The following RAB3GAP1 variants were observed in gnomAD, a reference collection of about 807,000 sequenced individuals.
RAB3GAP1 encodes the protein RAB3 GTPase activating protein catalytic subunit 1.
In RAB3GAP1, 86 loss-of-function variants were observed where a neutral mutation model predicts 130.7. That is an observed-to-expected ratio of 0.66 (90% CI 0.55 to 0.79). The LOEUF is 0.79. Among genes scored for constraint, RAB3GAP1 ranks in the 30% least tolerant of loss-of-function variants. The probability of loss-of-function intolerance (pLI) is 0.00; values close to 1 mark genes in which losing one functional copy is unlikely to be tolerated. For missense variants in RAB3GAP1, 1,029 were observed against 1,169.4 expected, an observed-to-expected ratio of 0.88 and a Z score of 1.75; for synonymous variants, 367 against 401.7, an observed-to-expected ratio of 0.91 and a Z score of 1.03.
chr2:135,099,896 C>T (rs950192330), intron 5 of RAB3GAP1, among the ~76,000 whole-genome samples: 1 of 151,948 alleles, frequency 6.6e-6, no homozygotes, highest in Non-Finnish European at 1.5e-5. Flanking sequence ...GAAGCTTGTG[C>T]GTTTAGGTTA....
intron 17 of RAB3GAP1, among the ~76,000 whole-genome samples, chr2:135,136,394 G>T (rs1156786906): frequency 6.6e-6 from 1 of 152,144 alleles, no homozygotes; most frequent in Non-Finnish European, 1.5e-5. Context: ...TAAAGGTAAG[G>T]ATTTCCCAAT....
Position 135,153,861 on chromosome 2 carries a change from A to C in RAB3GAP1, c.2274A>C (p.Thr758=), listed in dbSNP as rs1692240695. The C allele has an allele frequency of 2.5e-6, 4 of 1,613,716 alleles. No homozygotes were observed. The highest frequency in any genetic ancestry group is 3.4e-6 in the Non-Finnish European group (4 of 1,179,672). ...GGCAAAGGAGACTCTTTGATGATAC[A>C]CGGGAAGCAGAAAAGGTAATTGAGG... The part of the protein sequence containing the change: ...ARRQRRLFDD[T]REAEKVLHYL... The change falls in exon 19 of 24, where the codon ACA becomes ACC. Residue 758 remains threonine, a synonymous_variant. Transcript: ENST00000264158.
rs771415688 is a variant in RAB3GAP1, at chr2:135,052,317, G to C, written c.10G>C (p.Asp4His). MAA[D>H]SEPESEVFEI... Reference sequence around the variant, plus strand: ...CCCGGCGCTCCTCAAGATGGCTGCCGACAGTGAGGTGATTTCTTTGCTCCC... The same window carrying C: ...CCCGGCGCTCCTCAAGATGGCTGCCCACAGTGAGGTGATTTCTTTGCTCCC... Residue 4 changes from aspartate (D) to histidine (H), a missense_variant, in exon 1 of 24, where the codon GAC (aspartate) becomes CAC (histidine). Physicochemically the swap from Asp to His is moderately conservative, Grantham distance 81. Coordinates refer to ENST00000264158, the MANE Select transcript of RAB3GAP1 (RefSeq NM_012233.3). The C allele has an allele frequency of 4.3e-6, 7 of 1,613,848 alleles. No individual in the cohort carries two copies. The highest frequency in any genetic ancestry group is 5.1e-6 in the Non-Finnish European group (6 of 1,180,026).
At position 135,164,790 on chromosome 2, in the gene RAB3GAP1, C is replaced by T. The variant is rs542440924; in HGVS notation, c.2709+94C>T. On this transcript the variant is annotated intron_variant, in intron 23 of 23. Coordinates refer to ENST00000264158, the MANE Select transcript of RAB3GAP1 (RefSeq NM_012233.3). ...GTTCCCACACGTGGCTGATCACACTCATGTCACCTGAGTGTAAGTCTGGGC... is the reference window on the plus strand; with the variant it reads ...GTTCCCACACGTGGCTGATCACACTTATGTCACCTGAGTGTAAGTCTGGGC... The T allele has an allele frequency of 1.3e-4, 126 of 936,414 alleles. No homozygotes were observed. The African/African-American group carries it at 1.9e-3, about 14-fold the overall frequency. 58.0% of individuals were successfully genotyped at this position (936,414 alleles called of 1,614,324 possible).
intron 23 of RAB3GAP1, among the ~76,000 whole-genome samples, chr2:135,166,886 A>G (rs887027568): frequency 1.1e-4 from 17 of 152,192 alleles, no homozygotes; most frequent in African/African-American, 4.8e-5. Flanking sequence ...CTTAATGGCT[A>G]CTGAAATTGT....
intron 11 of RAB3GAP1, among the ~76,000 whole-genome samples, chr2:135,127,508 A>C (rs1691389326): frequency 6.6e-6 from 1 of 150,484 alleles, no homozygotes; most frequent in Admixed American, 6.6e-5. Flanking sequence ...CACGCCCTTT[A>C]ATTTTTTGTG....
intron 5 of RAB3GAP1, 33 bp downstream of exon 5, chr2:135,093,726 ATGTGTGTTGCGGGGGACC>A: frequency 6.6e-7 from 1 of 1,522,302 alleles, no homozygotes; most frequent in Middle Eastern, 1.7e-4. Flanking sequence ...ATCTTTTAGT[ATGTGTGTTGCGGGGGACC>A]TCAACACTGT....
rs1167642330 is a variant in RAB3GAP1 at position 135,052,410 on chromosome 2, T to C, written c.19-20T>C. 1 of 1,614,094 alleles carries C rather than the reference T, an allele frequency of 6.2e-7. No homozygotes were observed. The highest frequency in any genetic ancestry group is 8.5e-7 in the Non-Finnish European group (1 of 1,180,044). On this transcript the variant is annotated intron_variant, in intron 1 of 23. Coordinates refer to ENST00000264158, the MANE Select transcript of RAB3GAP1 (RefSeq NM_012233.3). ...CGCCTTGGGGCTTAATTTCTTTTTCTCTCCTTCCCCTTCCCGCAGCCCGAA... is the reference window on the plus strand; with the variant it reads ...CGCCTTGGGGCTTAATTTCTTTTTCCCTCCTTCCCCTTCCCGCAGCCCGAA...
intron 17 of RAB3GAP1, 149 bp from the exon 18 acceptor site, chr2:135,150,220 C>CA: frequency 1.1e-6 from 1 of 905,074 alleles, no homozygotes; most frequent in Non-Finnish European, 1.7e-6. Context: ...TATGTAAGTT[C>CA]TAAAAAACTT....
rs980783265 is a variant in RAB3GAP1, at chr2:135,153,505, T to A, written c.2062-144T>A. ...TTTGATACTTTAACATCTGACCTAT[T>A]TTAAAGGTGACATCCAAATTCATTT... On this transcript the variant is annotated intron_variant, in intron 18 of 23. Transcript: ENST00000264158. The A allele has an allele frequency of 6.8e-5, 50 of 738,678 alleles. 1 individual carries two copies. The highest frequency in any genetic ancestry group is 3.3e-4 in the Admixed American group (15 of 46,004). 45.8% of individuals were successfully genotyped at this position (738,678 alleles called of 1,614,324 possible).
chr2:135,070,647 A>G (rs1442786758), intron 3 of RAB3GAP1, among the ~76,000 whole-genome samples: 2 of 152,110 alleles, frequency 1.3e-5, no homozygotes, highest in African/African-American at 4.8e-5. Flanking sequence ...GTCTAGGATT[A>G]CAGGTGCCCA....
chr2:135,147,634 T>G (rs1420064501), intron 17 of RAB3GAP1, among the ~76,000 whole-genome samples: 1 of 147,584 alleles, frequency 6.8e-6, no homozygotes, highest in African/African-American at 2.5e-5. Flanking sequence ...CTTTTTTTTT[T>G]GACTCGGGGT....
At chr2:135,156,162 A>G (rs11901394) in intron 19 of RAB3GAP1, among the ~76,000 whole-genome samples, 1 of 152,184 alleles carries the variant, frequency 6.6e-6, no homozygotes, top group Non-Finnish European at 1.5e-5. Flanking sequence ...AACAGAAAGT[A>G]TAAACAGACA....
intron 7 of RAB3GAP1, among the ~76,000 whole-genome samples, chr2:135,117,522 GCTTCTTCTGCTTCTTCTTCTGCTTCTT>G (rs1574126234): frequency 6.7e-5 from 2 of 30,010 alleles, no homozygotes; most frequent in Non-Finnish European, 2.0e-4. Context: ...TGCTTCTTCT[GCTTCTTCTGCTTCTTCTTCTGCTTCTT>G]CTTCTTCTGC....
chr2:135,095,789 G>A (rs1690276468), intron 5 of RAB3GAP1, among the ~76,000 whole-genome samples: 1 of 152,304 alleles, frequency 6.6e-6, no homozygotes, highest in Middle Eastern at 3.4e-3. Context: ...CCTTTGTCCA[G>A]TGTATCTACA....
intron 5 of RAB3GAP1, among the ~76,000 whole-genome samples, chr2:135,104,205 T>C (rs997004069): frequency 1.3e-5 from 2 of 152,214 alleles, no homozygotes; most frequent in African/African-American, 4.8e-5. Flanking sequence ...GGCTGCACAC[T>C]GTTGAGGAGA....
intron 3 of RAB3GAP1, among the ~76,000 whole-genome samples, chr2:135,083,640 T>G (rs1213048445): frequency 1.1e-4 from 17 of 151,636 alleles, no homozygotes; most frequent in Admixed American, 1.1e-3. Context: ...ATTTTTTTTT[T>G]TTTTCGGTTA....
rs557716045 is a variant in RAB3GAP1, at chr2:135,108,190, A to G, written c.363-4961A>G. ...TTTCTCATTTGGAGGATGGGATGCT[A>G]AAGCACATTTATATTTAAATATAGT... On this transcript the variant is annotated intron_variant, in intron 5 of 23. Coordinates refer to ENST00000264158, the MANE Select transcript of RAB3GAP1 (RefSeq NM_012233.3). Among the ~76,000 whole-genome samples the G allele has an allele frequency of 6.0e-4, 91 of 152,262 alleles. 1 individual carries two copies. Among genetic ancestry groups the G allele is most frequent in the Non-Finnish European group, 1.3e-3 (87 of 68,008 alleles).
chr2:135,087,810 A>G (rs998235948), intron 3 of RAB3GAP1, among the ~76,000 whole-genome samples: 5 of 152,176 alleles, frequency 3.3e-5, no homozygotes, highest in Non-Finnish European at 5.9e-5. Context: ...TAATCTGTGA[A>G]TAGGGACAGT....
Sources: allele counts gnomAD v4.1 joint callset (sites outside exome capture counted in the v4.1 genomes callset), GRCh38; gene constraint gnomAD v4.1.1; transcripts MANE v1.5; gene names NCBI Gene and HGNC (gene_info 2026-07-23, HGNC 2026-07-21).